COLEC10: variants seen among roughly 807,000 people sequenced by gnomAD.
COLEC10 encodes the protein collectin subfamily member 10.
Under a neutral mutation model 28.4 loss-of-function variants are expected in COLEC10, and 22 were observed. The observed-to-expected ratio is 0.78, with a 90% confidence interval of 0.55 to 1.11. The LOEUF (loss-of-function observed/expected upper bound fraction) is 1.11, where lower values mean the gene tolerates loss of function less well. COLEC10 is among the 50% of genes least tolerant of loss of function. COLEC10 has a pLI of 0.00. For missense variants in COLEC10, 361 were observed against 344.1 expected (o/e 1.05, Z -0.39); for synonymous variants, 125 against 116.1 (o/e 1.08, Z -0.49).
the COLEC10 span, among the ~76,000 whole-genome samples, chr8:118,984,028 C>A: frequency 6.8e-6 from 1 of 147,728 alleles, no homozygotes; most frequent in East Asian, 1.9e-4. Context: ...TAAAGACATG[C>A]ATAATGTATT....
chr8:118,991,596 A>G (rs1202564110), upstream of COLEC10, among the ~76,000 whole-genome samples: 1 of 152,116 alleles, frequency 6.6e-6, no homozygotes, highest in Non-Finnish European at 1.5e-5. Context: ...TGCACTCACC[A>G]TAATACATTG....
intron 2 of COLEC10, among the ~76,000 whole-genome samples, chr8:119,032,440 A>C (rs986459631): frequency 6.6e-6 from 1 of 152,196 alleles, no homozygotes; most frequent in Non-Finnish European, 1.5e-5. Context: ...TCACCCAATC[A>C]GTGTGATCTT....
intron 5 of COLEC10, 37 bp downstream of exon 5, chr8:119,103,932 T>G: frequency 7.7e-7 from 1 of 1,301,608 alleles, no homozygotes; most frequent in Non-Finnish European, 1.1e-6. Flanking sequence ...TATCTATTGA[T>G]AGATCTCCAT....
At chr8:119,065,673 C>T (rs1241882583), upstream of COLEC10, among the ~76,000 whole-genome samples, 1 of 151,714 alleles carries the variant, frequency 6.6e-6, no homozygotes, top group East Asian at 1.9e-4. Context: ...CCTGGCCAAC[C>T]TGGTGAAACC....
At chr8:119,070,236 A>T (rs957358617) in intron 1 of COLEC10, among the ~76,000 whole-genome samples, 2 of 152,160 alleles carry the variant, frequency 1.3e-5, no homozygotes, top group Non-Finnish European at 2.9e-5. Flanking sequence ...ATGATAACCA[A>T]TGTGAACTTT....
chr8:119,067,993 T>C (rs1397286350), intron 1 of COLEC10: 1 of 151,918 alleles, frequency 6.6e-6, no homozygotes, highest in Non-Finnish European at 1.5e-5. Context: ...TGGGGCCAAA[T>C]GCCTTCTGCT....
At chr8:119,026,652 G>T (rs1342387554) in intron 2 of COLEC10, among the ~76,000 whole-genome samples, 1 of 152,168 alleles carries the variant, frequency 6.6e-6, no homozygotes, top group Non-Finnish European at 1.5e-5. Flanking sequence ...CTGAAAATGG[G>T]AATAGTTTGT....
chr8:119,046,255 G>A (rs1432089653), intron 2 of COLEC10, among the ~76,000 whole-genome samples: 2 of 151,958 alleles, frequency 1.3e-5, no homozygotes, highest in African/African-American at 2.4e-5. Context: ...TTCTCTTTTA[G>A]TTAATGTGAA....
At chr8:118,977,749 T>TAATA in the COLEC10 span, among the ~76,000 whole-genome samples, 15,241 of 148,506 alleles carry the variant, frequency 0.1, 863 homozygotes, top group African/African-American at 0.14. Context: ...AGTATAATAA[T>TAATA]AATAAATAAA....
intron 1 of COLEC10, among the ~76,000 whole-genome samples, chr8:119,070,134 A>T (rs765968384): frequency 3.9e-5 from 6 of 152,180 alleles, no homozygotes; most frequent in Admixed American, 1.3e-4. Context: ...ACTGGAGTCA[A>T]TCTGATTATC....
chr8:118,959,107 G>A, the COLEC10 span, among the ~76,000 whole-genome samples: 1 of 152,168 alleles, frequency 6.6e-6, no homozygotes, highest in South Asian at 2.1e-4. Flanking sequence ...CTTCTTTAGT[G>A]GTTGTTAGAT....
At chr8:119,086,556 C>T (rs1815485048) in intron 1 of COLEC10, among the ~76,000 whole-genome samples, 1 of 152,148 alleles carries the variant, frequency 6.6e-6, no homozygotes, top group Non-Finnish European at 1.5e-5. Context: ...GATGCAGTCA[C>T]ATGGGTTGAA....
At chr8:119,016,144 C>T (rs1026099663) in intron 2 of COLEC10, among the ~76,000 whole-genome samples, 21 of 152,088 alleles carry the variant, frequency 1.4e-4, no homozygotes, top group Admixed American at 1.3e-3. Flanking sequence ...GCCCCACATG[C>T]ATTAGGTATT....
At chr8:119,024,453 T>C (rs1178476058) in intron 2 of COLEC10, among the ~76,000 whole-genome samples, 2 of 151,588 alleles carry the variant, frequency 1.3e-5, no homozygotes, top group Non-Finnish European at 2.9e-5. Flanking sequence ...AGAATGGGGG[T>C]TCATGGAGCA....
chr8:119,022,379 A>G (rs1814115222), intron 2 of COLEC10, among the ~76,000 whole-genome samples: 1 of 152,130 alleles, frequency 6.6e-6, no homozygotes, highest in Non-Finnish European at 1.5e-5. Flanking sequence ...TGATGAATGA[A>G]GCACCAAAGA....
At chr8:119,030,493 G>A (rs1037179595) in intron 2 of COLEC10, among the ~76,000 whole-genome samples, 13 of 152,102 alleles carry the variant, frequency 8.5e-5, no homozygotes, top group Middle Eastern at 3.4e-3. Context: ...GTGAAACCCC[G>A]TCTCTACTAA....
At chr8:119,026,183 T>A (rs79192504) in intron 2 of COLEC10, among the ~76,000 whole-genome samples, 6,693 of 152,282 alleles carry the variant, frequency 0.044, 216 homozygotes, top group East Asian at 0.16. Flanking sequence ...TAATTTGTCC[T>A]TTTATGAATA....
intron 1 of COLEC10, among the ~76,000 whole-genome samples, chr8:119,069,498 T>G (rs1815045660): frequency 1.3e-5 from 2 of 148,400 alleles, no homozygotes; most frequent in Admixed American, 6.8e-5. Context: ...TCCCAGTTAC[T>G]TGGACGTCTG....
chr8:119,037,428 T>G (rs1179988236), intron 2 of COLEC10, among the ~76,000 whole-genome samples: 1 of 152,170 alleles, frequency 6.6e-6, no homozygotes. Flanking sequence ...TTTTCCTGTC[T>G]ATGCCAGTGT....
Sources: gnomAD v4.1 joint callset for allele counts (sites outside exome capture counted in the v4.1 genomes callset) on GRCh38, gnomAD v4.1.1 for gene constraint, MANE v1.5 for transcripts, NCBI Gene and HGNC (gene_info 2026-07-23, HGNC 2026-07-21) for gene names.